The following CSGALNACT1 variants were observed in gnomAD, a reference collection of about 807,000 sequenced individuals.
CSGALNACT1 encodes the protein chondroitin sulfate N-acetylgalactosaminyltransferase 1.
In CSGALNACT1, 52 loss-of-function variants were observed where a neutral mutation model predicts 51.0. The observed-to-expected ratio is 1.02, with a 90% CI of 0.82 to 1.29. The LOEUF is 1.29. Ranked by LOEUF, CSGALNACT1 falls within the 50% of genes most tolerant of loss-of-function variation. The pLI is 0.00. For missense variants in CSGALNACT1, 935 were observed against 679.2 expected (o/e 1.38, Z -4.19); for synonymous variants, 341 against 254.4 (o/e 1.34, Z -3.24).
intron 3 of CSGALNACT1, among the ~76,000 whole-genome samples, chr8:19,568,030 A>C (rs1455015335): frequency 1.5e-5 from 2 of 135,658 alleles, no homozygotes; most frequent in Non-Finnish European, 2.9e-5. Context: ...TCAACAAATG[A>C]AAAAAAATCA....
At chr8:19,752,793 G>A (rs1354172223) in intron 1 of CSGALNACT1, among the ~76,000 whole-genome samples, 1 of 152,186 alleles carries the variant, frequency 6.6e-6, no homozygotes, top group Non-Finnish European at 1.5e-5. Context: ...GTAACTGAAT[G>A]TTATGTTTTA....
At chr8:19,532,409 G>A (rs925478538) in intron 3 of CSGALNACT1, among the ~76,000 whole-genome samples, 6 of 152,180 alleles carry the variant, frequency 3.9e-5, no homozygotes, top group East Asian at 1.9e-4. Context: ...AACATGAGCC[G>A]TGTTACAAAA....
intron 4 of CSGALNACT1, among the ~76,000 whole-genome samples, chr8:19,461,578 C>A (rs1413649703): frequency 1.5e-5 from 2 of 131,616 alleles, no homozygotes; most frequent in Non-Finnish European, 3.3e-5. Flanking sequence ...CGGCCACATT[C>A]ACCATGGGGG....
intron 5 of CSGALNACT1, among the ~76,000 whole-genome samples, chr8:19,446,446 G>A (rs2062132131): frequency 6.6e-6 from 1 of 152,078 alleles, no homozygotes; most frequent in South Asian, 2.1e-4. Context: ...CCGTGCACGA[G>A]CTCCCCATTC....
chr8:19,405,486 C>G (rs1339401378), exon 10 of CSGALNACT1: 10 of 568,860 alleles, frequency 1.8e-5, no homozygotes, highest in Non-Finnish European at 2.6e-5. Context: ...CAACAGGTCT[C>G]AGTGTGTTGT....
chr8:19,530,242 CAAAACAAAACA>C (rs1216491804), intron 3 of CSGALNACT1, among the ~76,000 whole-genome samples: 13 of 150,860 alleles, frequency 8.6e-5, no homozygotes, highest in African/African-American at 2.9e-4. Flanking sequence ...CAAAACAAAA[CAAAACAAAACA>C]AAAAAAATTC....
At chr8:19,632,652 G>C (rs1273466994) in intron 1 of CSGALNACT1, among the ~76,000 whole-genome samples, 1 of 152,170 alleles carries the variant, frequency 6.6e-6, no homozygotes, top group Non-Finnish European at 1.5e-5. Flanking sequence ...GAAACTTCAA[G>C]TAAAACACTG....
At chr8:19,682,675 C>T (rs1391345903), upstream of CSGALNACT1, 2 of 453,978 alleles carry the variant, frequency 4.4e-6, no homozygotes, top group Admixed American at 4.7e-5. Context: ...AAGCCATTGA[C>T]ACAAGTCTTG....
At chr8:19,418,581 T>A in intron 8 of CSGALNACT1, 75 bp downstream of exon 7, 1 of 973,712 alleles carries the variant, frequency 1.0e-6, no homozygotes, top group Non-Finnish European at 1.7e-6. Flanking sequence ...TCACCTTTGC[T>A]CATGGTCAGG....
At chr8:19,446,359 G>A (rs1468548242) in intron 5 of CSGALNACT1, among the ~76,000 whole-genome samples, 2 of 152,008 alleles carry the variant, frequency 1.3e-5, no homozygotes, top group South Asian at 2.1e-4. Context: ...AATTGTCTAC[G>A]AAGCCTTTGC....
rs75349287 is a variant in CSGALNACT1, at chr8:19,712,878, C to T, written c.-297+44972G>A. ...AGAAACATCCAAGTGCAGTTGGAAA[C>T]AATGAACCCAATCCTGACTGATGTT... On this transcript the variant is annotated intron_variant, in intron 1 of 1. Coordinates refer to the CSGALNACT1 transcript ENST00000517494. Among the ~76,000 whole-genome samples the T allele has an allele frequency of 2.3e-3, 343 of 152,302 alleles. 2 individuals carry two copies. The highest frequency in any genetic ancestry group is 0.017 in the Middle Eastern group (5 of 294).
chr8:19,476,819 G>A (rs1451187414), intron 4 of CSGALNACT1, among the ~76,000 whole-genome samples: 1 of 152,186 alleles, frequency 6.6e-6, no homozygotes, highest in Non-Finnish European at 1.5e-5. Flanking sequence ...TGTCACAGCA[G>A]TCCAGATGCC....
chr8:19,423,880 AG>A (rs1381734972), intron 6 of CSGALNACT1, among the ~76,000 whole-genome samples: 2 of 152,206 alleles, frequency 1.3e-5, no homozygotes, highest in African/African-American at 4.8e-5. Context: ...ATGTGTCCAC[AG>A]GCTGCACAGA....
intron 3 of CSGALNACT1, among the ~76,000 whole-genome samples, chr8:19,577,207 T>C (rs1023936735): frequency 1.3e-5 from 2 of 152,140 alleles, no homozygotes; most frequent in East Asian, 3.9e-4. Context: ...GGAGAATTCA[T>C]AATTTTGTTC....
intron 3 of CSGALNACT1, among the ~76,000 whole-genome samples, chr8:19,521,733 C>A (rs535322561): frequency 1.3e-5 from 2 of 152,176 alleles, no homozygotes; most frequent in Admixed American, 6.5e-5. Flanking sequence ...GGAGCTGCCA[C>A]TGAAAAATAA....
intron 3 of CSGALNACT1, among the ~76,000 whole-genome samples, chr8:19,526,802 A>C (rs572109350): frequency 6.6e-6 from 1 of 152,340 alleles, no homozygotes; most frequent in Non-Finnish European, 1.5e-5. Flanking sequence ...TCATGAGTAT[A>C]GCAAAATACA....
intron 2 of CSGALNACT1, among the ~76,000 whole-genome samples, chr8:19,600,615 T>A (rs1282081176): frequency 6.6e-6 from 1 of 152,196 alleles, no homozygotes; most frequent in African/African-American, 2.4e-5. Context: ...AGGAAAGGAT[T>A]TGGGAGGAAT....
intron 1 of CSGALNACT1, among the ~76,000 whole-genome samples, chr8:19,636,595 T>C (rs75826832): frequency 4.3e-3 from 654 of 152,328 alleles, no homozygotes; most frequent in African/African-American, 0.015. Flanking sequence ...TTATTTTTCA[T>C]ACACCTGAAC....
At chr8:19,616,996 A>C (rs528475142) in intron 1 of CSGALNACT1, among the ~76,000 whole-genome samples, 3 of 152,336 alleles carry the variant, frequency 2.0e-5, no homozygotes, top group South Asian at 4.1e-4. Context: ...GTAACATATA[A>C]GAAAATAATT....
Sources: gnomAD v4.1 joint callset for allele counts (sites outside exome capture counted in the v4.1 genomes callset) on GRCh38, gnomAD v4.1.1 for gene constraint, MANE v1.5 for transcripts, NCBI Gene and HGNC (gene_info 2026-07-23, HGNC 2026-07-21) for gene names.